Variants in FOXN3 observed in about 807,000 individuals in gnomAD.
The protein encoded by FOXN3 is forkhead box N3.
In FOXN3, 7 loss-of-function variants were observed where a neutral mutation model predicts 38.4. The ratio of observed to expected loss-of-function variants is 0.18; its 90% confidence interval spans 0.10 to 0.34. FOXN3 has a LOEUF of 0.34. FOXN3 is among the 10% of genes least tolerant of loss of function. The pLI is 1.00. For synonymous variants in FOXN3, 230 were observed against 242.2 expected, an observed-to-expected ratio of 0.95 and a Z score of 0.47; for missense variants, 456 against 613.4, an observed-to-expected ratio of 0.74 and a Z score of 2.71.
At chr14:89,199,048 T>C (rs562035976) in intron 4 of FOXN3, among the ~76,000 whole-genome samples, 1 of 152,340 alleles carries the variant, frequency 6.6e-6, no homozygotes, top group Admixed American at 6.5e-5. Context: ...AATCAAGATA[T>C]CTATAACAGC....
intron 3 of FOXN3, among the ~76,000 whole-genome samples, chr14:89,345,310 G>T (rs930444950): frequency 6.6e-6 from 1 of 151,086 alleles, no homozygotes; most frequent in Admixed American, 6.6e-5. Flanking sequence ...AAAAACAATC[G>T]GGATATCTAA....
intron 1 of FOXN3, among the ~76,000 whole-genome samples, chr14:89,513,857 C>G (rs1418890037): frequency 5.3e-5 from 8 of 152,206 alleles, no homozygotes; most frequent in African/African-American, 1.9e-4. Context: ...ACCCTATCCA[C>G]TGTTACACCA....
chr14:89,266,132 G>A (rs1885972079), intron 4 of FOXN3, among the ~76,000 whole-genome samples: 1 of 152,182 alleles, frequency 6.6e-6, no homozygotes, highest in Admixed American at 6.5e-5. Context: ...GTCAGTTCAG[G>A]CTGCCAGAAC....
intron 1 of FOXN3, among the ~76,000 whole-genome samples, chr14:89,540,737 C>CA (rs34410482): frequency 0.14 from 13,127 of 90,762 alleles, 790 homozygotes; most frequent in South Asian, 0.31. Flanking sequence ...GACTATGTCT[C>CA]AAAAAAAAAA....
intron 1 of FOXN3, among the ~76,000 whole-genome samples, chr14:89,503,896 G>C (rs17125940): frequency 0.058 from 8,819 of 152,288 alleles, 820 homozygotes; most frequent in African/African-American, 0.19. Context: ...TCCAAAGACA[G>C]ATGCGACGCC....
intron 1 of FOXN3, among the ~76,000 whole-genome samples, chr14:89,478,670 G>A (rs1045342616): frequency 6.6e-6 from 1 of 151,956 alleles, no homozygotes. Flanking sequence ...AGTGGCTCAC[G>A]TGTATAATCC....
At chr14:89,500,631 A>G (rs897920722) in intron 1 of FOXN3, among the ~76,000 whole-genome samples, 4 of 152,224 alleles carry the variant, frequency 2.6e-5, no homozygotes, top group Non-Finnish European at 5.9e-5. Flanking sequence ...AAAAAGGGAC[A>G]GGGAAAAATG....
chr14:89,406,276 T>C (rs910360370), intron 2 of FOXN3, among the ~76,000 whole-genome samples: 1 of 151,922 alleles, frequency 6.6e-6, no homozygotes, highest in Non-Finnish European at 1.5e-5. Flanking sequence ...TGAAATTAGC[T>C]GGATGTGGTG....
chr14:89,422,364 G>T (rs1446115004), intron 1 of FOXN3, among the ~76,000 whole-genome samples: 1 of 152,202 alleles, frequency 6.6e-6, no homozygotes, highest in Non-Finnish European at 1.5e-5. Context: ...TCCCAGGTGA[G>T]GCTGCTGGTC....
At chr14:89,354,558 A>G (rs1248143465) in intron 2 of FOXN3, among the ~76,000 whole-genome samples, 8 of 149,310 alleles carry the variant, frequency 5.4e-5, no homozygotes, top group African/African-American at 1.2e-4. Context: ...AAAAAAAAAA[A>G]AAAGAAAAGA....
rs778413072 is a variant in FOXN3 at position 89,156,376 on chromosome 14, C to T, written c.*6038G>A. The T allele has an allele frequency of 2.6e-5, 4 of 152,644 alleles. No individual in the cohort carries two copies. The highest frequency in any genetic ancestry group is 2.1e-4 in the South Asian group (1 of 4,830). The allele number at this position is 152,644 out of a possible 1,614,324, so 9.5% of individuals were successfully genotyped here. On this transcript the variant is annotated 3_prime_UTR_variant, in exon 6 of 6. Coordinates refer to ENST00000557258, the MANE Select transcript of FOXN3 (RefSeq NM_005197.4). ...CAAGCAACACCAAGTCCCTAGAGTTCGGCTGATCGCGCCTGCCTCCACACT... is the reference window on the plus strand; with the variant it reads ...CAAGCAACACCAAGTCCCTAGAGTTTGGCTGATCGCGCCTGCCTCCACACT...
At position 89,216,257 on chromosome 14, in the gene FOXN3, G is replaced by T. The variant is rs10498618; in HGVS notation, c.746-35451C>A. ...ATAAAAGGCTTTATGCTCTAATCGG[G>T]TACAAACTTTCCATCATCCCTGCTT... On this transcript the variant is annotated intron_variant, in intron 4 of 5. Coordinates refer to ENST00000557258, the MANE Select transcript of FOXN3 (RefSeq NM_005197.4). Among the ~76,000 whole-genome samples the T allele has an allele frequency of 6.6e-3, 1,006 of 152,066 alleles. 25 individuals carry two copies. In the East Asian group the frequency reaches 0.069, roughly 10 times the overall value.
At chr14:89,326,274 C>A (rs139439448) in intron 3 of FOXN3, among the ~76,000 whole-genome samples, 89 of 152,280 alleles carry the variant, frequency 5.8e-4, no homozygotes, top group African/African-American at 2.1e-3. Context: ...TACCCAATTC[C>A]AACTCTCTGG....
chr14:89,364,140 T>C (rs1890054184), intron 2 of FOXN3, among the ~76,000 whole-genome samples: 1 of 150,308 alleles, frequency 6.7e-6, no homozygotes, highest in African/African-American at 2.5e-5. Context: ...GCCAAGTACA[T>C]AAAAGAGGGA....
intron 4 of FOXN3, among the ~76,000 whole-genome samples, chr14:89,220,749 G>A (rs939258046): frequency 3.3e-5 from 5 of 152,086 alleles, no homozygotes; most frequent in Non-Finnish European, 1.5e-5. Context: ...CCTATCAGAC[G>A]AATTTCTCAA....
At chr14:89,171,907 T>C (rs1004395749) in intron 5 of FOXN3, among the ~76,000 whole-genome samples, 7 of 151,862 alleles carry the variant, frequency 4.6e-5, no homozygotes, top group African/African-American at 1.7e-4. Flanking sequence ...AAAGATACAA[T>C]AATTAGGGAA....
rs536218088 is a variant in FOXN3 at position 89,339,003 on chromosome 14, T to C, written c.680+11669A>G. Among the ~76,000 whole-genome samples the C allele has an allele frequency of 6.6e-5, 10 of 152,286 alleles. No individual in the cohort carries two copies. In the South Asian group the frequency reaches 1.9e-3, roughly 28 times the overall value. Reference sequence around the variant, plus strand: ...ACTCGTTTAAGACAAGTATTCTTTTTGTTGGTTTGTTTTTGAGACAGAGTT... The same window carrying C: ...ACTCGTTTAAGACAAGTATTCTTTTCGTTGGTTTGTTTTTGAGACAGAGTT... On this transcript the variant is annotated intron_variant, in intron 3 of 5. Transcript: ENST00000557258.
intron 4 of FOXN3, among the ~76,000 whole-genome samples, chr14:89,236,926 C>T (rs1373100124): frequency 6.6e-6 from 1 of 152,150 alleles, no homozygotes; most frequent in Non-Finnish European, 1.5e-5. Context: ...CTCTTTTAGC[C>T]CAGAAAGAGA....
chr14:89,291,151 A>G, intron 3 of FOXN3: 1 of 498,974 alleles, frequency 2.0e-6, no homozygotes. Context: ...TCGTTGACGT[A>G]AGTACCCAAG....
Sources: allele counts gnomAD v4.1 joint callset (sites outside exome capture counted in the v4.1 genomes callset), GRCh38; gene constraint gnomAD v4.1.1; transcripts MANE v1.5; gene names NCBI Gene and HGNC (gene_info 2026-07-23, HGNC 2026-07-21).